Variants in RORB observed in about 807,000 individuals in gnomAD.
The protein encoded by RORB is RAR related orphan receptor B.
Under a neutral mutation model 59.1 loss-of-function variants are expected in RORB, and 6 were observed. The observed-to-expected ratio is 0.10, with a 90% CI of 0.06 to 0.20. The LOEUF (loss-of-function observed/expected upper bound fraction) is 0.20, where lower values mean the gene tolerates loss of function less well. Among genes scored for constraint, RORB ranks in the 10% least tolerant of loss-of-function variants. The pLI is 1.00. For missense variants in RORB, 320 were observed against 560.5 expected (o/e 0.57, Z 4.33); for synonymous variants, 215 against 204.5 (o/e 1.05, Z -0.44).
rs117274243 is a variant in RORB, at chr9:74,500,455, G to A, written c.7+2472G>A. ...GAAAGCGGGAAAAGAATCAGCTTTC[G>A]CTCGTGCAGGGCTACTAAGCACCCT... On this transcript the variant is annotated intron_variant, in intron 1 of 9. Transcript: ENST00000376896. 5.6e-3 allele frequency among the ~76,000 whole-genome samples: 847 copies of A among 152,202 alleles called. 4 individuals are homozygous for A. Among genetic ancestry groups the A allele is most frequent in the Non-Finnish European group, 8.8e-3 (599 of 68,020 alleles).
chr9:74,546,698 G>T (rs991877577), intron 1 of RORB, among the ~76,000 whole-genome samples: 11 of 152,190 alleles, frequency 7.2e-5, no homozygotes, highest in Admixed American at 6.5e-5. Flanking sequence ...ATCAGCTGTG[G>T]ATTTGATTGC....
intron 1 of RORB, among the ~76,000 whole-genome samples, chr9:74,560,954 A>G (rs1822388624): frequency 6.6e-6 from 1 of 152,160 alleles, no homozygotes; most frequent in Non-Finnish European, 1.5e-5. Context: ...ATCCAGTATG[A>G]GACTGTAGTC....
intron 1 of RORB, among the ~76,000 whole-genome samples, chr9:74,512,016 A>T (rs1825946506): frequency 6.6e-6 from 1 of 152,096 alleles, no homozygotes; most frequent in South Asian, 2.1e-4. Context: ...AAATGAATTT[A>T]AAAAAACTTT....
chr9:74,569,306 T>C (rs764316372), intron 1 of RORB, among the ~76,000 whole-genome samples: 29 of 152,064 alleles, frequency 1.9e-4, no homozygotes, highest in Admixed American at 3.3e-4. Flanking sequence ...GATGCTTTTT[T>C]TAACTCTGCT....
rs1214338450 is a variant in RORB at position 74,593,464 on chromosome 9, TC to T, written c.8-36817del. Among the ~76,000 whole-genome samples the T allele has an allele frequency of 1.1e-4, 4 of 35,140 alleles. No individual in the cohort carries two copies. In the East Asian group the frequency reaches 4.0e-3, roughly 35 times the overall value. 23.1% of individuals were successfully genotyped at this position (35,140 alleles called of 152,430 possible). ...CTGGGCAACAAGAGCTCAAACTCCA[TC>T]TAAAAAAAAAAAAAAAAAACAAAAG... On this transcript the variant is annotated intron_variant, in intron 1 of 9. Transcript: ENST00000376896.
At chr9:74,499,939 C>T (rs528127774) in intron 1 of RORB, among the ~76,000 whole-genome samples, 2 of 152,244 alleles carry the variant, frequency 1.3e-5, no homozygotes, top group South Asian at 4.2e-4. Flanking sequence ...GAGTGCGGCG[C>T]GGGGTGGGGA....
intron 6 of RORB, 148 bp downstream of exon 6, chr9:74,662,754 T>G (rs1824209125): frequency 1.3e-6 from 1 of 782,732 alleles, no homozygotes; most frequent in Non-Finnish European, 2.1e-6. Context: ...AAACTCTCAG[T>G]AATAAAAATG....
intron 1 of RORB, among the ~76,000 whole-genome samples, chr9:74,536,718 GA>G (rs898369412): frequency 3.3e-5 from 5 of 151,494 alleles, no homozygotes; most frequent in Admixed American, 3.3e-4. Context: ...TCCATAGCAA[GA>G]AAAAAAATTC....
intron 1 of RORB, among the ~76,000 whole-genome samples, chr9:74,608,616 T>C (rs1186148457): frequency 6.6e-6 from 1 of 152,044 alleles, no homozygotes; most frequent in Non-Finnish European, 1.5e-5. Context: ...CTGTTATCTG[T>C]GTTATCTGTA....
At chr9:74,554,614 A>C (rs1826666062) in intron 1 of RORB, among the ~76,000 whole-genome samples, 1 of 152,128 alleles carries the variant, frequency 6.6e-6, no homozygotes, top group Non-Finnish European at 1.5e-5. Context: ...ATCTATCTTC[A>C]CAAGCATTTA....
At chr9:74,514,682 A>G (rs1825984263) in intron 1 of RORB, among the ~76,000 whole-genome samples, 1 of 148,464 alleles carries the variant, frequency 6.7e-6, no homozygotes, top group Admixed American at 6.8e-5. Context: ...TTAATAATAT[A>G]TATAATTATA....
intron 1 of RORB, among the ~76,000 whole-genome samples, chr9:74,547,147 C>T (rs1221076065): frequency 1.3e-5 from 2 of 151,772 alleles, no homozygotes; most frequent in African/African-American, 4.8e-5. Flanking sequence ...GAGGAGAGAC[C>T]CAAGTATGTG....
chr9:74,518,470 A>G (rs1263788199), intron 1 of RORB, among the ~76,000 whole-genome samples: 1 of 151,980 alleles, frequency 6.6e-6, no homozygotes, highest in Non-Finnish European at 1.5e-5. Flanking sequence ...CTCACAAAAG[A>G]CAGACTGTCT....
rs574197538 is a variant in RORB at position 74,566,649 on chromosome 9, T to C, written c.8-63633T>C. Among the ~76,000 whole-genome samples the C allele has an allele frequency of 1.3e-3, 205 of 152,056 alleles. 2 individuals are homozygous for C. The highest frequency in any genetic ancestry group is 4.6e-3 in the African/African-American group (189 of 41,458). The stretch of plus-strand genomic sequence containing the variant: ...CCGTCTCTACTAAAAACACAAAAAT[T>C]AGCTGGGTGTGGTGGCATGCACCTG... On this transcript the variant is annotated intron_variant, in intron 1 of 9. Transcript: ENST00000376896.
At chr9:74,573,875 T>C (rs1822590093) in intron 1 of RORB, among the ~76,000 whole-genome samples, 1 of 152,120 alleles carries the variant, frequency 6.6e-6, no homozygotes, top group South Asian at 2.1e-4. Flanking sequence ...AAACAGCAAC[T>C]GTGTCTCTGG....
intron 2 of RORB, among the ~76,000 whole-genome samples, chr9:74,631,540 CTG>C (rs1362517376): frequency 6.6e-6 from 1 of 152,098 alleles, no homozygotes; most frequent in Non-Finnish European, 1.5e-5. Flanking sequence ...AATACTGGTA[CTG>C]TGTGATAAAT....
chr9:74,503,063 A>G (rs1756963932), intron 1 of RORB, among the ~76,000 whole-genome samples: 1 of 152,102 alleles, frequency 6.6e-6, no homozygotes, highest in South Asian at 2.1e-4. Flanking sequence ...ATTATGCTTA[A>G]TAATTAATGT....
intron 1 of RORB, among the ~76,000 whole-genome samples, chr9:74,592,897 G>T (rs919475210): frequency 6.6e-6 from 1 of 151,826 alleles, no homozygotes; most frequent in African/African-American, 2.4e-5. Context: ...GCACTATTCA[G>T]GGGTGAGGAG....
At chr9:74,578,321 A>G (rs879410648) in intron 1 of RORB, among the ~76,000 whole-genome samples, 3 of 152,164 alleles carry the variant, frequency 2.0e-5, no homozygotes, top group Non-Finnish European at 4.4e-5. Context: ...TCATGTGAGA[A>G]AGAAAGCAGT....
Sources: gnomAD v4.1 joint callset for allele counts (sites outside exome capture counted in the v4.1 genomes callset) on GRCh38, gnomAD v4.1.1 for gene constraint, MANE v1.5 for transcripts, NCBI Gene and HGNC (gene_info 2026-07-23, HGNC 2026-07-21) for gene names.